Variants in TMEM178B observed in about 807,000 individuals in gnomAD.
The protein encoded by TMEM178B is transmembrane protein 178B.
In TMEM178B, 5 loss-of-function variants were observed where a neutral mutation model predicts 31.0. The observed-to-expected ratio is 0.16, with a 90% CI of 0.08 to 0.34. TMEM178B has a LOEUF of 0.34. Ranked by LOEUF, TMEM178B falls within the 10% of genes least tolerant of loss-of-function variation. The pLI, the probability that TMEM178B is intolerant of heterozygous loss-of-function variation, is 1.00. For missense variants in TMEM178B, 275 were observed against 400.3 expected (o/e 0.69, Z 2.67); for synonymous variants, 164 against 164.0 (o/e 1.00, Z 0.00).
chr7:141,270,355 A>T (rs543038988), intron 2 of TMEM178B, among the ~76,000 whole-genome samples: 1 of 152,164 alleles, frequency 6.6e-6, no homozygotes, highest in Non-Finnish European at 1.5e-5. Context: ...TGTAGGTGGC[A>T]CAATCTTGGC....
chr7:141,237,032 A>G (rs1217207737), intron 2 of TMEM178B, among the ~76,000 whole-genome samples: 2 of 152,256 alleles, frequency 1.3e-5, no homozygotes, highest in Non-Finnish European at 2.9e-5. Context: ...CAAACATGAA[A>G]AGTATTTGGT....
intron 2 of TMEM178B, among the ~76,000 whole-genome samples, chr7:141,241,221 C>T (rs1467471304): frequency 1.3e-5 from 2 of 151,644 alleles, no homozygotes; most frequent in East Asian, 1.9e-4. Flanking sequence ...CTCTGTATGC[C>T]TTTTTTTGGT....
chr7:141,213,942 C>T (rs1411428519), intron 2 of TMEM178B, among the ~76,000 whole-genome samples: 1 of 152,196 alleles, frequency 6.6e-6, no homozygotes, highest in Non-Finnish European at 1.5e-5. Context: ...TTATCCATTA[C>T]TAGAGACACT....
At chr7:141,403,311 C>T (rs1476334691) in intron 2 of TMEM178B, among the ~76,000 whole-genome samples, 1 of 152,140 alleles carries the variant, frequency 6.6e-6, no homozygotes, top group Non-Finnish European at 1.5e-5. Context: ...ATTGATTTTG[C>T]CTTTTCTGAG....
At chr7:141,107,349 A>G (rs1315761499) in intron 1 of TMEM178B, among the ~76,000 whole-genome samples, 1 of 152,224 alleles carries the variant, frequency 6.6e-6, no homozygotes, top group South Asian at 2.1e-4. Flanking sequence ...CATTCTGGGT[A>G]CTGTGTTGAC....
chr7:141,127,723 G>A (rs906226097), intron 1 of TMEM178B, among the ~76,000 whole-genome samples: 5 of 152,122 alleles, frequency 3.3e-5, no homozygotes, highest in African/African-American at 7.2e-5. Context: ...GTTTTTTATG[G>A]CAGTCCTAGG....
intron 2 of TMEM178B, among the ~76,000 whole-genome samples, chr7:141,260,032 A>T (rs1029307005): frequency 6.6e-6 from 1 of 152,004 alleles, no homozygotes; most frequent in Non-Finnish European, 1.5e-5. Context: ...CCAGGGTTAT[A>T]TGGGACTGTA....
intron 3 of TMEM178B, among the ~76,000 whole-genome samples, chr7:141,443,539 T>C (rs1231606024): frequency 6.6e-6 from 1 of 152,230 alleles, no homozygotes; most frequent in African/African-American, 2.4e-5. Context: ...TAGACTGGGT[T>C]AGGGGTTTTG....
chr7:141,182,895 T>A (rs1796553182), intron 1 of TMEM178B, among the ~76,000 whole-genome samples: 2 of 152,230 alleles, frequency 1.3e-5, no homozygotes, highest in Admixed American at 6.5e-5. Context: ...CCATTCAGCC[T>A]CTTTCCCTTA....
intron 2 of TMEM178B, among the ~76,000 whole-genome samples, chr7:141,277,619 A>G (rs1798287198): frequency 6.6e-6 from 1 of 152,206 alleles, no homozygotes; most frequent in Non-Finnish European, 1.5e-5. Context: ...TAAATACTAG[A>G]TGACAGGAAT....
At chr7:141,465,820 C>T (rs998707955) in intron 3 of TMEM178B, among the ~76,000 whole-genome samples, 1 of 152,018 alleles carries the variant, frequency 6.6e-6, no homozygotes, top group Non-Finnish European at 1.5e-5. Flanking sequence ...CCTAGGAATT[C>T]GAGGCCAGCC....
chr7:141,300,836 T>C lies in TMEM178B; in HGVS notation c.496+88132T>C, dbSNP rs78210773. Among the ~76,000 whole-genome samples, 732 of 152,286 alleles carry C rather than the reference T, an allele frequency of 4.8e-3. 8 individuals are homozygous for C. The East Asian group carries it at 0.051, about 11-fold the overall frequency. ...TTCCCATCCTTCCCTCTTTCCTCTT[T>C]TCTCTTTCTATGTTCATCTCTGTTT... On this transcript the variant is annotated intron_variant, in intron 2 of 3. Coordinates refer to ENST00000565468, the MANE Select transcript of TMEM178B (RefSeq NM_001195278.2).
intron 2 of TMEM178B, among the ~76,000 whole-genome samples, chr7:141,309,245 C>G (rs1798867669): frequency 6.6e-6 from 1 of 152,130 alleles, no homozygotes; most frequent in Non-Finnish European, 1.5e-5. Context: ...CATTATTTTT[C>G]TGTACATAAT....
chr7:141,174,273 C>G (rs149065192), intron 1 of TMEM178B, among the ~76,000 whole-genome samples: 256 of 152,246 alleles, frequency 1.7e-3, no homozygotes, highest in East Asian at 6.8e-3. Context: ...TCATCCATGT[C>G]CCTGCAAAGG....
chr7:141,220,993 A>G (rs753923952), intron 2 of TMEM178B, among the ~76,000 whole-genome samples: 3 of 152,206 alleles, frequency 2.0e-5, no homozygotes, highest in Non-Finnish European at 2.9e-5. Context: ...TTAATGTTTA[A>G]ACATTTAAGA....
At chr7:141,410,505 C>T (rs868677981) in intron 2 of TMEM178B, among the ~76,000 whole-genome samples, 1 of 146,504 alleles carries the variant, frequency 6.8e-6, no homozygotes, top group East Asian at 2.0e-4. Context: ...CCTTCCTTCC[C>T]TCCTTCCTTC....
intron 2 of TMEM178B, among the ~76,000 whole-genome samples, chr7:141,401,571 A>G (rs1033844468): frequency 2.0e-5 from 3 of 151,806 alleles, no homozygotes; most frequent in African/African-American, 7.3e-5. Flanking sequence ...GCATGCCACC[A>G]CACCCAGCTA....
Position 141,291,943 on chromosome 7 carries a change from T to C in TMEM178B, c.496+79239T>C, listed in dbSNP as rs201843737. Among the ~76,000 whole-genome samples, 891 of 118,266 alleles carry C rather than the reference T, an allele frequency of 7.5e-3. 14 individuals carry two copies. The highest frequency in any genetic ancestry group is 0.063 in the East Asian group (259 of 4,134). The allele number at this position is 118,266 out of a possible 152,430, so 77.6% of individuals were successfully genotyped here. ...TAGAGATCATTTTTTTTTTTTTTTT[T>C]CAAATATCAAAGCCCTGCCTGCTCT... On this transcript the variant is annotated intron_variant, in intron 2 of 3. Transcript: ENST00000565468.
chr7:141,211,897 C>G (rs889721972), intron 1 of TMEM178B, among the ~76,000 whole-genome samples: 3 of 152,156 alleles, frequency 2.0e-5, no homozygotes, highest in African/African-American at 7.2e-5. Flanking sequence ...TAGCAAGTTC[C>G]TAGGGAATGC....
Sources: gnomAD v4.1 joint callset for allele counts (sites outside exome capture counted in the v4.1 genomes callset) on GRCh38, gnomAD v4.1.1 for gene constraint, MANE v1.5 for transcripts, NCBI Gene and HGNC (gene_info 2026-07-23, HGNC 2026-07-21) for gene names.